HK1: variants seen among roughly 807,000 people sequenced by gnomAD.
HK1 encodes the protein hexokinase 1.
A neutral mutation model predicts 91.6 loss-of-function variants in HK1; 28 were observed. The ratio of observed to expected loss-of-function variants is 0.31; its 90% CI spans 0.23 to 0.42. The LOEUF (loss-of-function observed/expected upper bound fraction) is 0.42. Ranked by LOEUF, HK1 falls within the 10% of genes least tolerant of loss-of-function variation. HK1 has a pLI of 1.00. For synonymous variants in HK1, 430 were observed against 468.1 expected (o/e 0.92, Z 1.05); for missense variants, 770 against 1,219.8 (o/e 0.63, Z 5.49).
At chr10:69,396,281 A>G (rs535910125) in intron 16 of HK1, among the ~76,000 whole-genome samples, 1 of 152,106 alleles carries the variant, frequency 6.6e-6, no homozygotes, top group African/African-American at 2.4e-5. Context: ...AAAAAAAAAA[A>G]AAAAAGAGAA....
At chr10:69,308,594 G>A (rs1846216658) in intron 5 of HK1, among the ~76,000 whole-genome samples, 1 of 152,160 alleles carries the variant, frequency 6.6e-6, no homozygotes, top group Non-Finnish European at 1.5e-5. Flanking sequence ...GGTTAGGTCA[G>A]GGGTCGATCT....
At chr10:69,388,802 C>T (rs946121336) in intron 13 of HK1, among the ~76,000 whole-genome samples, 9 of 152,282 alleles carry the variant, frequency 5.9e-5, no homozygotes, top group African/African-American at 2.2e-4. Flanking sequence ...CGTTTGTGCA[C>T]CTGCAGACTA....
chr10:69,272,848 TG>T (rs906390189), intron 1 of HK1, among the ~76,000 whole-genome samples: 16 of 151,960 alleles, frequency 1.1e-4, no homozygotes, highest in South Asian at 4.1e-4. Flanking sequence ...TATCTTTCAT[TG>T]TTTTTTTGAA....
chr10:69,304,272 T>TTTA (rs1483615240), intron 5 of HK1, among the ~76,000 whole-genome samples: 4 of 143,670 alleles, frequency 2.8e-5, no homozygotes, highest in African/African-American at 1.0e-4. Context: ...TATTTTTATT[T>TTTA]TTATTATTTA....
At chr10:69,375,537 G>A (rs914932768) in intron 7 of HK1, among the ~76,000 whole-genome samples, 1 of 152,210 alleles carries the variant, frequency 6.6e-6, no homozygotes, top group Non-Finnish European at 1.5e-5. Flanking sequence ...GGAACAATGA[G>A]GACTGTGTTT....
intron 1 of HK1, among the ~76,000 whole-genome samples, chr10:69,276,118 A>AAAAAAATATATATATATATATATATAT: frequency 2.6e-5 from 1 of 38,260 alleles, no homozygotes; most frequent in Non-Finnish European, 5.1e-5. Context: ...AAAAAAAAAA[A>AAAAAAATATATATATATATATATATAT]ATACATATAT....
Position 69,369,820 on chromosome 10 carries a change from C to G in HK1, c.875+196C>G, listed in dbSNP as rs901240426. On this transcript the variant is annotated intron_variant, in intron 7 of 17. Transcript: ENST00000359426. The surrounding 1 kb of genome is among the most constrained non-coding windows in gnomAD (Gnocchi z 4.4). ...GTGGCTCAATCTCAGCTCATTGCAA[C>G]CTCCACCTCCTGGGTTCAAGCGATT... is the stretch of plus-strand genomic sequence containing the variant. 6.6e-6 allele frequency among the ~76,000 whole-genome samples: 1 copy of G among 152,148 alleles called. No individual in the cohort carries two copies. Among genetic ancestry groups the G allele is most frequent in the Non-Finnish European group, 1.5e-5 (1 of 68,026 alleles).
chr10:69,344,423 CCT>C (rs139175573), intron 2 of HK1, among the ~76,000 whole-genome samples: 5,247 of 152,220 alleles, frequency 0.034, 153 homozygotes, highest in African/African-American at 0.072. Flanking sequence ...TCAAAGCTTC[CCT>C]CTCTTCTTAT....
At chr10:69,364,721 A>G (rs763395084) in intron 3 of HK1, 62 bp from the exon 4 acceptor site, 274 of 1,602,602 alleles carry the variant, frequency 1.7e-4, no homozygotes, top group Non-Finnish European at 2.2e-4. Flanking sequence ...AATGGTTTAT[A>G]TTTTTCTATG....
chr10:69,325,044 A>ATTTTTTTT (rs1046990181), intron 1 of HK1, among the ~76,000 whole-genome samples: 9 of 93,882 alleles, frequency 9.6e-5, no homozygotes, highest in Non-Finnish European at 1.6e-4. Context: ...AAAAATGTGT[A>ATTTTTTTT]TTTTTTTTTT....
At chr10:69,323,868 G>C (rs1847181532) in intron 1 of HK1, among the ~76,000 whole-genome samples, 1 of 152,202 alleles carries the variant, frequency 6.6e-6, no homozygotes, top group African/African-American at 2.4e-5. Flanking sequence ...GACTGGGACT[G>C]TCTGTGTGTG....
chr10:69,316,349 G>A (rs1338334676), upstream of HK1, among the ~76,000 whole-genome samples: 1 of 152,218 alleles, frequency 6.6e-6, no homozygotes, highest in African/African-American at 2.4e-5. Flanking sequence ...CAGGATTAAT[G>A]TGACCTGGTG....
chr10:69,309,788 T>C (rs367811073), intron 5 of HK1, among the ~76,000 whole-genome samples: 2 of 151,352 alleles, frequency 1.3e-5, no homozygotes, highest in South Asian at 2.1e-4. Context: ...GGCTCACTCC[T>C]GTAATCCTAG....
Position 69,395,055 on chromosome 10 carries a change from G to A in HK1, c.2325G>A (p.Thr775=), listed in dbSNP as rs765322965. ...GFLFRGQISE[T]LKTRGIFETK... Reference sequence around the variant, plus strand: ...TCTTCCGAGGGCAGATCTCTGAGACGCTGAAGACCCGGGGCATCTTTGAGA... The same window carrying A: ...TCTTCCGAGGGCAGATCTCTGAGACACTGAAGACCCGGGGCATCTTTGAGA... Residue 775 remains threonine, a synonymous_variant, in exon 16 of 18, where the codon ACG becomes ACA. Transcript: ENST00000359426. The A allele has an allele frequency of 3.2e-5, 51 of 1,613,872 alleles. No homozygotes were observed. The highest frequency in any genetic ancestry group is 4.4e-5 in the South Asian group (4 of 91,058).
At chr10:69,317,934 A>T, upstream of HK1, 1 of 492,734 alleles carries the variant, frequency 2.0e-6, no homozygotes, top group Non-Finnish European at 2.6e-6. Flanking sequence ...CTCCCATCCT[A>T]CGTAACTTCC....
chr10:69,340,816 C>T (rs910197236), intron 1 of HK1, among the ~76,000 whole-genome samples: 4 of 152,146 alleles, frequency 2.6e-5, no homozygotes, highest in Admixed American at 6.6e-5. Context: ...TGTGGGATCC[C>T]GCTTGTATTT....
At chr10:69,381,734 A>G (rs1839399893) in intron 9 of HK1, among the ~76,000 whole-genome samples, 1 of 152,080 alleles carries the variant, frequency 6.6e-6, no homozygotes, top group Admixed American at 6.6e-5. Flanking sequence ...TTGTATTTTT[A>G]GTAGAGACGG....
At chr10:69,319,103 C>G in intron 1 of HK1, 93 bp downstream of exon 1, 1 of 1,409,936 alleles carries the variant, frequency 7.1e-7, no homozygotes, top group Non-Finnish European at 9.8e-7. Context: ...CTCCGGCGCC[C>G]GGCCTTCTCC....
At chr10:69,338,491 C>G in intron 1 of HK1, 1 of 1,287,364 alleles carries the variant, frequency 7.8e-7, no homozygotes, top group Non-Finnish European at 1.0e-6. Context: ...CCTCTGTCTT[C>G]TGATAGATGG....
Sources: allele counts gnomAD v4.1 joint callset (sites outside exome capture counted in the v4.1 genomes callset), GRCh38; gene constraint gnomAD v4.1.1; non-coding constraint Gnocchi (gnomAD v3.1); transcripts MANE v1.5; gene names NCBI Gene and HGNC (gene_info 2026-07-23, HGNC 2026-07-21).